AARS2: variants seen among roughly 807,000 people sequenced by gnomAD.
The protein encoded by AARS2 is alanine--tRNA ligase, mitochondrial.
AARS2 carries 78 observed loss-of-function variants against 119.7 expected under a neutral mutation model. That is an observed-to-expected ratio of 0.65 (90% CI 0.54 to 0.79). AARS2 has a LOEUF of 0.79. Among genes scored for constraint, AARS2 ranks in the 30% least tolerant of loss-of-function variants. The pLI, the probability that AARS2 is intolerant of heterozygous loss-of-function variation, is 0.00. For synonymous variants in AARS2, 502 were observed against 526.3 expected (o/e 0.95, Z 0.63); for missense variants, 1,157 against 1,291.3 (o/e 0.90, Z 1.59).
Position 44,302,407 on chromosome 6 carries a change from A to G in AARS2, c.2471T>C (p.Ile824Thr), listed in dbSNP as rs146765163. Residue 824 changes from isoleucine (I) to threonine (T), a missense_variant, in exon 18 of 22, where the codon ATA becomes ACA. Transcript: ENST00000244571. ...GGCCCTCACTTCAATGAGTCGTCCT[A>G]TGTCCTTGGACAGCCTCAGTGCCTC... is the stretch of plus-strand genomic sequence containing the variant. ...VAEALRLSKD[I>T]GRLIEAVETA... The G allele has an allele frequency of 4.0e-5, 64 of 1,614,046 alleles. No homozygotes were observed. In the African/African-American group the frequency reaches 4.7e-4, roughly 12 times the overall value.
At position 44,311,487 on chromosome 6, in the gene AARS2, T is replaced by A. The variant is rs1187430907; in HGVS notation, c.484A>T (p.Ile162Phe). ...AWELLTQVYG[I>F]PEERLWISYF... ...GAGATCCAGAGCCTTTCCTCAGGGA[T>A]CCCATAGACCTGAGTCAGCAGTTCC... The change falls in exon 3 of 22, where the codon ATC becomes TTC. Residue 162 changes from isoleucine (I) to phenylalanine (F), a missense_variant. Ile to Phe is a conservative substitution (Grantham distance 21). Coordinates refer to ENST00000244571, the MANE Select transcript of AARS2 (RefSeq NM_020745.4). The A allele has an allele frequency of 6.2e-7, 1 of 1,613,436 alleles. No individual in the cohort carries two copies.
rs769289471 is a variant in AARS2 at position 44,311,457 on chromosome 6, A to T, written c.514T>A (p.Phe172Ile). ...IPEERLWISY[F>I]DGDPKAGLDP... Reference sequence around the variant, plus strand: ...AGCCCTGCCTTGGGGTCACCATCAAAGTAGGAGATCCAGAGCCTTTCCTCA... The same window carrying T: ...AGCCCTGCCTTGGGGTCACCATCAATGTAGGAGATCCAGAGCCTTTCCTCA... Residue 172 changes from phenylalanine (F) to isoleucine (I), a missense_variant, in exon 3 of 22, where the codon TTT becomes ATT. Physicochemically the swap from Phe to Ile is conservative, Grantham distance 21 (BLOSUM62 0). Transcript: ENST00000244571. The T allele has an allele frequency of 1.2e-6, 2 of 1,614,058 alleles. No individual in the cohort carries two copies. Among genetic ancestry groups the T allele is most frequent in the Non-Finnish European group, 1.7e-6 (2 of 1,180,012 alleles).
chr6:44,300,082 C>T lies in AARS2; in HGVS notation c.*465G>A, dbSNP rs965572966. 1.2e-4 allele frequency: 26 copies of T among 211,284 alleles called. No homozygotes were observed. Among genetic ancestry groups the T allele is most frequent in the African/African-American group, 5.3e-4 (23 of 43,532 alleles). 13.1% of individuals were successfully genotyped at this position (211,284 alleles called of 1,614,324 possible). A position where few individuals can be genotyped will look rare whatever the true frequency, so the allele number is the denominator to read the frequency against. ...GCAACCTCCACCTCCCAGGTTCAAG[C>T]GATTCTTCTGCCTCAGCCTCCCGAG... On this transcript the variant is annotated 3_prime_UTR_variant, in exon 22 of 22. Transcript: ENST00000244571.
In AARS2 at chr6:44,306,985, C is replaced by T. The variant is rs777539173; in HGVS notation, c.1087G>A (p.Glu363Lys). The T allele has an allele frequency of 6.2e-6, 10 of 1,613,958 alleles. No individual in the cohort carries two copies. In the Admixed American group the frequency reaches 1.7e-4, roughly 27 times the overall value. Residue 363 changes from glutamate (E) to lysine (K), a missense_variant, in exon 7 of 22, where the codon GAG (glutamate) becomes AAG (lysine). Transcript: ENST00000244571. ...ILRRAVRFSM[E>K]ILKAPPGFLG... ...AAGCCAGGTGGTGCCTTTAAGATCT[C>T]CATGGAGAAACGCACAGCTCGACGC...
rs1315452783 is a variant in AARS2 at position 44,307,102 on chromosome 6, C to T, written c.1041-71G>A. The T allele has an allele frequency of 1.2e-5, 19 of 1,595,968 alleles. No individual in the cohort carries two copies. Among genetic ancestry groups the T allele is most frequent in the Middle Eastern group, 1.6e-4 (1 of 6,072 alleles). The stretch of plus-strand genomic sequence containing the variant: ...TCAGCAATATGGGGAGTGGGAAGGA[C>T]GAGGTCCAGTGTGTGCTCCCACCTC... On this transcript the variant is annotated intron_variant, in intron 6 of 21. Coordinates refer to ENST00000244571, the MANE Select transcript of AARS2 (RefSeq NM_020745.4). This position sits in a 1 kb window ranked among gnomAD's most constrained non-coding sequence, Gnocchi z 4.4.
intron 1 of AARS2, 62 bp from the exon 2 acceptor site, chr6:44,312,325 G>A: frequency 2.0e-6 from 3 of 1,537,086 alleles, no homozygotes; most frequent in Non-Finnish European, 2.7e-6. Flanking sequence ...GAAGGGAAAT[G>A]TGGGGAGTGA....
At position 44,302,599 on chromosome 6, in the gene AARS2, A is replaced by C. The variant is rs1350331941; in HGVS notation, c.2365-86T>G. ...ACTCATTACTGGTCAGGGACAAATA[A>C]GATTTAACAATCAGGACCAATCAAG... On this transcript the variant is annotated intron_variant, in intron 17 of 21. Coordinates refer to ENST00000244571, the MANE Select transcript of AARS2 (RefSeq NM_020745.4). 1.9e-6 allele frequency: 3 copies of C among 1,598,130 alleles called. No homozygotes were observed. In the African/African-American group the frequency reaches 4.0e-5, roughly 21 times the overall value.
chr6:44,302,950 A>G (rs1785484740), intron 16 of AARS2, 40 bp from the exon 17 acceptor site: 1 of 1,607,402 alleles, frequency 6.2e-7, no homozygotes, highest in African/African-American at 1.3e-5. Context: ...GGGGCATGAC[A>G]GTAGAGAAGG....
chr6:44,300,816 C>T (rs889961617), intron 21 of AARS2, 105 bp from the exon 22 acceptor site: 6 of 1,402,134 alleles, frequency 4.3e-6, no homozygotes, highest in East Asian at 2.5e-5. Context: ...GTGCCCCCTT[C>T]CCAGCTGGGC....
intron 7 of AARS2, 129 bp from the exon 8 acceptor site, chr6:44,306,661 C>T: frequency 8.5e-7 from 1 of 1,172,514 alleles, no homozygotes; most frequent in Non-Finnish European, 1.3e-6. Flanking sequence ...GAGAGGGACT[C>T]AAATGGGGAA....
At position 44,307,335 on chromosome 6, in the gene AARS2, G is replaced by A. The variant is rs1785947569; in HGVS notation, c.954C>T (p.Asp318=). The change falls in exon 6 of 22, where the codon GAC becomes GAT. Residue 318 remains aspartate, a synonymous_variant. Coordinates refer to ENST00000244571, the MANE Select transcript of AARS2 (RefSeq NM_020745.4). The surrounding 1 kb of genome is among the most constrained non-coding windows in gnomAD (Gnocchi z 4.4). ...GGTCAGCCACCACGCGGTACGCTGTGTCTGTGCGCCCCTCGTCTGCCACCC... is the reference window on the plus strand; with the variant it reads ...GGTCAGCCACCACGCGGTACGCTGTATCTGTGCGCCCCTCGTCTGCCACCC... The part of the protein sequence containing the change: ...RVGVADEGRT[D]TAYRVVADHI... 6.2e-7 allele frequency: 1 copy of A among 1,612,836 alleles called. No individual in the cohort carries two copies. The highest frequency in any genetic ancestry group is 1.3e-5 in the African/African-American group (1 of 74,918).
At chr6:44,311,953 CG>C (rs1583061213) in intron 2 of AARS2, 118 bp downstream of exon 2, 1 of 1,237,208 alleles carries the variant, frequency 8.1e-7, no homozygotes, top group Non-Finnish European at 1.2e-6. Flanking sequence ...CCTGTTACAC[CG>C]GCTCAACTAG....
rs1275785753 is a variant in AARS2 at position 44,300,649 on chromosome 6, GC to G, written c.2855del (p.Gly952AlafsTer25). ...WALAVCSHMG[G>X]KAWGSRVVAQ... ...CCACCACTCGTGAGCCCCACGCCTT[GC>G]CCCCCATGTGGCTGCACACTGCCAG... On this transcript the variant is annotated frameshift_variant, in exon 22 of 22. Coordinates refer to ENST00000244571, the MANE Select transcript of AARS2 (RefSeq NM_020745.4). LOFTEE classifies it high-confidence loss of function. 1 of 1,613,774 alleles carries G rather than the reference GC, an allele frequency of 6.2e-7. No individual in the cohort carries two copies.
Position 44,302,430 on chromosome 6 carries a change from C to T in AARS2, c.2448G>A (p.Glu816=). 1.2e-6 allele frequency: 2 copies of T among 1,614,128 alleles called. No individual in the cohort carries two copies. The highest frequency in any genetic ancestry group is 1.1e-5 in the South Asian group (1 of 91,080). ...CTATGTCCTTGGACAGCCTCAGTGC[C>T]TCCGCCACATCCCGGCTCCCCAGAC... The part of the protein sequence containing the change: ...RLSLGSRDVA[E]ALRLSKDIGR... Residue 816 remains glutamate, a synonymous_variant, in exon 18 of 22, where the codon GAG becomes GAA. Coordinates refer to ENST00000244571, the MANE Select transcript of AARS2 (RefSeq NM_020745.4).
At chr6:44,302,737 T>C (rs573227530) in intron 17 of AARS2, 65 bp downstream of exon 17, 7 of 1,528,954 alleles carry the variant, frequency 4.6e-6, no homozygotes, top group African/African-American at 1.4e-5. Flanking sequence ...AGCCTGAGCA[T>C]GTCACCTGCG....
rs1302505882 is a variant in AARS2, at chr6:44,312,228, T to G, written c.279A>C (p.Arg93=). 3 of 1,614,032 alleles carry G rather than the reference T, an allele frequency of 1.9e-6. No homozygotes were observed. Among genetic ancestry groups the G allele is most frequent in the Non-Finnish European group, 2.5e-6 (3 of 1,179,852 alleles). Residue 93 remains arginine (R), a synonymous_variant, in exon 2 of 22, where the codon CGA becomes CGC. Transcript: ENST00000244571. Reference sequence around the variant, plus strand: ...CACGTCGGAAGCCTGCCATCTCGCTTCGTGGATCCACGGTGCCCAGAAAGA... The same window carrying G: ...CACGTCGGAAGCCTGCCATCTCGCTGCGTGGATCCACGGTGCCCAGAAAGA... ...KPIFLGTVDP[R]SEMAGFRRVA...
At chr6:44,306,211 G>A in intron 9 of AARS2, 69 bp downstream of exon 9, 2 of 1,465,702 alleles carry the variant, frequency 1.4e-6, no homozygotes, top group Non-Finnish European at 1.9e-6. Context: ...CTGGCCCAGA[G>A]CTCCCTCCTC....
At chr6:44,309,403 G>A (rs991244723) in intron 5 of AARS2, among the ~76,000 whole-genome samples, 1 of 152,234 alleles carries the variant, frequency 6.6e-6, no homozygotes, top group Non-Finnish European at 1.5e-5. Flanking sequence ...TCAGGGGGCA[G>A]ATACATGGTT....
chr6:44,307,041 T>C lies in AARS2; in HGVS notation c.1041-10A>G. 1.2e-6 allele frequency: 2 copies of C among 1,613,672 alleles called. No individual in the cohort carries two copies. Among genetic ancestry groups the C allele is most frequent in the Middle Eastern group, 1.6e-4 (1 of 6,062 alleles). ...CCGACGAAGAACCAGCCTAAAGGGG[T>C]TCAGAGCCCAGACATGAATCCCCAG... On this transcript the variant is annotated splice_polypyrimidine_tract_variant and intron_variant, in intron 6 of 21. Transcript: ENST00000244571. The surrounding 1 kb of genome is among the most constrained non-coding windows in gnomAD (Gnocchi z 4.4).
Sources: allele counts gnomAD v4.1 joint callset (sites outside exome capture counted in the v4.1 genomes callset), GRCh38; gene constraint gnomAD v4.1.1; non-coding constraint Gnocchi (gnomAD v3.1); transcripts MANE v1.5; gene names NCBI Gene and HGNC (gene_info 2026-07-23, HGNC 2026-07-21).